Variants in ART1 observed in about 807,000 individuals in gnomAD.
ART1 encodes GPI-linked NAD(P)(+)--arginine ADP-ribosyltransferase 1.
In ART1, 29 loss-of-function variants were observed where a neutral mutation model predicts 27.0. The ratio of observed to expected loss-of-function variants is 1.08; its 90% confidence interval spans 0.80 to 1.47. The LOEUF is 1.47. ART1 is among the 40% of genes most tolerant of loss of function. The pLI, the probability that ART1 is intolerant of heterozygous loss-of-function variation, is 0.00. For missense variants in ART1, 480 were observed against 423.0 expected, an observed-to-expected ratio of 1.13 and a Z score of -1.18; for synonymous variants, 201 against 172.2, an observed-to-expected ratio of 1.17 and a Z score of -1.31.
chr11:3,652,878 C>T (rs1157136164), intron 1 of ART1, among the ~76,000 whole-genome samples: 2 of 150,236 alleles, frequency 1.3e-5, no homozygotes. Context: ...TCCTTAGGCA[C>T]TCTCTAATCA....
At chr11:3,646,012 A>T (rs894468506) in intron 1 of ART1, among the ~76,000 whole-genome samples, 8 of 151,268 alleles carry the variant, frequency 5.3e-5, no homozygotes, top group Non-Finnish European at 1.2e-4. Context: ...CAGGATAAGG[A>T]CGCTGGCCTC....
At chr11:3,661,003 C>T (rs2133965038) in intron 3 of ART1, among the ~76,000 whole-genome samples, 1 of 152,326 alleles carries the variant, frequency 6.6e-6, no homozygotes, top group South Asian at 2.1e-4. Flanking sequence ...TACTTCCTAT[C>T]TTGGACAACA....
At chr11:3,655,907 AC>A (rs1214948153) in intron 1 of ART1, among the ~76,000 whole-genome samples, 1 of 145,986 alleles carries the variant, frequency 6.8e-6, no homozygotes, top group Non-Finnish European at 1.5e-5. Context: ...ACTTCAAGAG[AC>A]CACAGACAAG....
chr11:3,658,399 G>GCCTGGACA (rs1240672695), intron 1 of ART1, among the ~76,000 whole-genome samples: 1 of 151,578 alleles, frequency 6.6e-6, no homozygotes, highest in East Asian at 1.9e-4. Flanking sequence ...CAGACCCAAT[G>GCCTGGACA]CCTGGACACC....
chr11:3,656,671 T>C (rs1378797750), intron 1 of ART1, among the ~76,000 whole-genome samples: 2 of 152,098 alleles, frequency 1.3e-5, no homozygotes, highest in Admixed American at 6.6e-5. Flanking sequence ...TTTTTATTTT[T>C]AGTAGCAATG....
At chr11:3,655,581 G>C (rs1052683268) in intron 1 of ART1, 3 of 152,198 alleles carry the variant, frequency 2.0e-5, no homozygotes, top group Non-Finnish European at 4.4e-5. Flanking sequence ...GCCTGCATGA[G>C]AACTATCCAC....
chr11:3,646,564 A>T (rs988812001), intron 1 of ART1, among the ~76,000 whole-genome samples: 2 of 152,152 alleles, frequency 1.3e-5, no homozygotes, highest in African/African-American at 4.8e-5. Context: ...GAACCCAAGG[A>T]CCAGATGCAA....
At chr11:3,657,275 G>A (rs936379083) in intron 1 of ART1, among the ~76,000 whole-genome samples, 15 of 152,252 alleles carry the variant, frequency 9.9e-5, no homozygotes, top group African/African-American at 3.6e-4. Context: ...TACCATTTGT[G>A]TACAGAAAGA....
intron 1 of ART1, among the ~76,000 whole-genome samples, chr11:3,649,106 C>A (rs1280199358): frequency 6.6e-6 from 1 of 152,096 alleles, no homozygotes; most frequent in East Asian, 1.9e-4. Flanking sequence ...AACCCCTGAA[C>A]CCCTTCCCTC....
At chr11:3,655,635 C>G (rs1022864099) in intron 1 of ART1, 6 of 152,200 alleles carry the variant, frequency 3.9e-5, no homozygotes, top group African/African-American at 1.4e-4. Context: ...GGAATATGGG[C>G]TGAGGAATCC....
At chr11:3,653,668 C>T (rs112742174) in intron 1 of ART1, among the ~76,000 whole-genome samples, 11,449 of 152,058 alleles carry the variant, frequency 0.075, 904 homozygotes, top group African/African-American at 0.2. Flanking sequence ...TTTAAATCTA[C>T]TCCGCTTCTC....
At chr11:3,653,510 A>G (rs1014794646) in intron 1 of ART1, among the ~76,000 whole-genome samples, 1 of 150,914 alleles carries the variant, frequency 6.6e-6, no homozygotes, top group South Asian at 2.1e-4. Flanking sequence ...ATCCTATAAA[A>G]CGGACCCACC....
At chr11:3,661,510 T>TTTTC in intron 4 of ART1, 97 bp downstream of exon 4, 2 of 1,007,906 alleles carry the variant, frequency 2.0e-6, no homozygotes. Flanking sequence ...TTTTTTTTTT[T>TTTTC]TGAGACAGAG....
intron 3 of ART1, 133 bp downstream of exon 3, chr11:3,660,496 C>A: frequency 9.6e-7 from 1 of 1,040,648 alleles, no homozygotes; most frequent in Non-Finnish European, 1.4e-6. Flanking sequence ...CCACCAGCTC[C>A]CAACCCCTTC....
chr11:3,660,933 G>T (rs2077615142), intron 3 of ART1, among the ~76,000 whole-genome samples: 1 of 152,212 alleles, frequency 6.6e-6, no homozygotes, highest in African/African-American at 2.4e-5. Context: ...CCCAGCACAG[G>T]CCAGAAGAAG....
At chr11:3,661,732 A>G (rs2077622814) in intron 4 of ART1, among the ~76,000 whole-genome samples, 1 of 152,052 alleles carries the variant, frequency 6.6e-6, no homozygotes, top group Non-Finnish European at 1.5e-5. Flanking sequence ...TCCTGACCTC[A>G]GGTGATCCAT....
At chr11:3,652,967 C>A (rs2077537128) in intron 1 of ART1, among the ~76,000 whole-genome samples, 2 of 148,416 alleles carry the variant, frequency 1.3e-5, no homozygotes, top group Non-Finnish European at 2.9e-5. Flanking sequence ...TTTTTCAATT[C>A]ATACAAAGCC....
chr11:3,652,025 G>A (rs1477286719), intron 1 of ART1, among the ~76,000 whole-genome samples: 3 of 151,550 alleles, frequency 2.0e-5, no homozygotes, highest in Non-Finnish European at 4.4e-5. Flanking sequence ...TTTCCATCGT[G>A]GAAATCTATC....
chr11:3,649,908 T>A (rs1367999942), intron 1 of ART1, among the ~76,000 whole-genome samples: 2 of 151,910 alleles, frequency 1.3e-5, no homozygotes, highest in East Asian at 1.9e-4. Context: ...CCCTAAAATG[T>A]CAAAAGGCCA....
Sources: gnomAD v4.1 joint callset for allele counts (sites outside exome capture counted in the v4.1 genomes callset) on GRCh38, gnomAD v4.1.1 for gene constraint, MANE v1.5 for transcripts, NCBI Gene and HGNC (gene_info 2026-07-23, HGNC 2026-07-21) for gene names.